TTC17: variants seen among roughly 807,000 people sequenced by gnomAD.
TTC17 encodes tetratricopeptide repeat protein 17.
A neutral mutation model predicts 143.8 loss-of-function variants in TTC17; 58 were observed. That is an observed-to-expected ratio of 0.40 (90% CI 0.33 to 0.50). The LOEUF is 0.50. Ranked by LOEUF, TTC17 falls within the 20% of genes least tolerant of loss-of-function variation. The pLI, the probability that TTC17 is intolerant of heterozygous loss-of-function variation, is 0.49. For synonymous variants in TTC17, 501 were observed against 497.8 expected, an observed-to-expected ratio of 1.01 and a Z score of -0.09; for missense variants, 1,273 against 1,392.5, an observed-to-expected ratio of 0.91 and a Z score of 1.37.
chr11:43,362,448 A>G (rs2134426605), intron 1 of TTC17, among the ~76,000 whole-genome samples: 1 of 152,298 alleles, frequency 6.6e-6, no homozygotes, highest in Non-Finnish European at 1.5e-5. Flanking sequence ...AGACTTGTCA[A>G]CATGCGTATG....
chr11:43,483,823 C>T lies in TTC17; in HGVS notation c.3031-6416C>T, dbSNP rs182934061. ...ACTTCTTTTCAACCTTGTACTGAAA[C>T]TCCTAGCAAGTATAGTAAATCAATA... On this transcript the variant is annotated intron_variant, in intron 21 of 23. Coordinates refer to ENST00000039989, the MANE Select transcript of TTC17 (RefSeq NM_018259.6). Among the ~76,000 whole-genome samples, 100 of 152,304 alleles carry T rather than the reference C, an allele frequency of 6.6e-4. 1 individual carries two copies. Among genetic ancestry groups the T allele is most frequent in the Non-Finnish European group, 1.2e-3 (81 of 68,026 alleles).
At chr11:43,395,741 A>G (rs1371214366) in intron 5 of TTC17, among the ~76,000 whole-genome samples, 4 of 152,224 alleles carry the variant, frequency 2.6e-5, no homozygotes, top group African/African-American at 7.2e-5. Flanking sequence ...ACTAAATTCA[A>G]ACTATTTTTA....
At chr11:43,492,803 A>G (rs1382654372) in intron 23 of TTC17, among the ~76,000 whole-genome samples, 1 of 152,240 alleles carries the variant, frequency 6.6e-6, no homozygotes, top group African/African-American at 2.4e-5. Flanking sequence ...ATCAGAAACA[A>G]GAACTGCTTT....
At chr11:43,411,679 A>T (rs903347875) in intron 15 of TTC17, among the ~76,000 whole-genome samples, 1 of 152,194 alleles carries the variant, frequency 6.6e-6, no homozygotes, top group South Asian at 2.1e-4. Flanking sequence ...TCAATGCAGG[A>T]TATTTTTACA....
intron 16 of TTC17, among the ~76,000 whole-genome samples, chr11:43,433,486 T>G (rs567787947): frequency 1.3e-5 from 2 of 152,186 alleles, no homozygotes; most frequent in Non-Finnish European, 2.9e-5. Context: ...CTCTGAGAGA[T>G]GTTGGCCCCA....
chr11:43,474,461 T>C (rs1403937352), intron 21 of TTC17, among the ~76,000 whole-genome samples: 6 of 152,222 alleles, frequency 3.9e-5, no homozygotes, highest in Admixed American at 2.0e-4. Context: ...GTTCCTTGAA[T>C]CTACATTATT....
intron 21 of TTC17, among the ~76,000 whole-genome samples, chr11:43,453,049 C>A (rs1590447236): frequency 6.6e-6 from 1 of 152,100 alleles, no homozygotes; most frequent in East Asian, 1.9e-4. Context: ...AACTTGAGTG[C>A]CAGGCCAAAC....
chr11:43,441,857 G>A (rs1208553507), intron 16 of TTC17, among the ~76,000 whole-genome samples: 1 of 152,130 alleles, frequency 6.6e-6, no homozygotes, highest in African/African-American at 2.4e-5. Context: ...AGGAGCACAA[G>A]GAAGCAATCA....
intron 1 of TTC17, 187 bp downstream of exon 1, chr11:43,359,300 C>T (rs1254153331): frequency 1.4e-6 from 1 of 721,034 alleles, no homozygotes; most frequent in Non-Finnish European, 2.1e-6. Flanking sequence ...CACTTGTCTC[C>T]TGGTCCTCGT....
At chr11:43,462,265 A>G (rs533928999) in intron 21 of TTC17, among the ~76,000 whole-genome samples, 2 of 152,214 alleles carry the variant, frequency 1.3e-5, no homozygotes, top group Non-Finnish European at 2.9e-5. Flanking sequence ...GAACCTGTGA[A>G]AACTATATAC....
chr11:43,422,697 A>G (rs1187237332), intron 16 of TTC17, among the ~76,000 whole-genome samples: 1 of 152,144 alleles, frequency 6.6e-6, no homozygotes, highest in Admixed American at 6.5e-5. Context: ...ATCCTGAGAG[A>G]TTGAGCTGGA....
At chr11:43,429,016 A>G (rs1039185346) in intron 16 of TTC17, among the ~76,000 whole-genome samples, 5 of 152,208 alleles carry the variant, frequency 3.3e-5, no homozygotes, top group African/African-American at 4.8e-5. Flanking sequence ...GAACAAGTCT[A>G]AGGAGCCATT....
At chr11:43,452,611 CATT>C (rs1379666400) in intron 21 of TTC17, among the ~76,000 whole-genome samples, 1 of 152,034 alleles carries the variant, frequency 6.6e-6, no homozygotes, top group Non-Finnish European at 1.5e-5. Flanking sequence ...TAATGGAACA[CATT>C]ATAATTCAGA....
intron 1 of TTC17, among the ~76,000 whole-genome samples, chr11:43,372,990 C>A (rs949861267): frequency 3.9e-5 from 6 of 152,112 alleles, no homozygotes; most frequent in South Asian, 2.1e-4. Flanking sequence ...ATATTATTAT[C>A]GTATTTTTGT....
At chr11:43,367,978 AG>A (rs1856415827) in intron 1 of TTC17, among the ~76,000 whole-genome samples, 2 of 152,322 alleles carry the variant, frequency 1.3e-5, no homozygotes, top group East Asian at 3.9e-4. Context: ...GCTGACACAT[AG>A]TATACACTGA....
At chr11:43,475,728 TTGG>T (rs1381331818) in intron 21 of TTC17, among the ~76,000 whole-genome samples, 1 of 152,206 alleles carries the variant, frequency 6.6e-6, no homozygotes, top group Admixed American at 6.5e-5. Flanking sequence ...AGTTATCACG[TTGG>T]TGCTCAAAAA....
At chr11:43,461,981 G>A (rs1366833681) in intron 21 of TTC17, among the ~76,000 whole-genome samples, 1 of 151,170 alleles carries the variant, frequency 6.6e-6, no homozygotes, top group Non-Finnish European at 1.5e-5. Flanking sequence ...GAAGATAAAG[G>A]TACATAAAAG....
At chr11:43,448,796 CAT>C in intron 19 of TTC17, 1 of 152,128 alleles carries the variant, frequency 6.6e-6, no homozygotes, top group East Asian at 1.9e-4. Flanking sequence ...AAACTAAAGT[CAT>C]AATTTTCTTG....
chr11:43,398,016 G>A lies in TTC17; in HGVS notation c.961G>A (p.Ala321Thr), dbSNP rs200432170. The A allele has an allele frequency of 7.1e-5, 113 of 1,601,282 alleles. No homozygotes were observed. Among genetic ancestry groups the A allele is most frequent in the South Asian group, 5.4e-4 (49 of 90,832 alleles). The stretch of plus-strand genomic sequence containing the variant: ...CCACTCAGTGCTCTGTTATGACCAC[G>A]CTTTGCAGGCCAGACCTGGGTTTGA... ...YNHSVLCYDH[A>T]LQARPGFEQA... Residue 321 changes from alanine (A) to threonine (T), a missense_variant, in exon 8 of 24, where the codon GCT (alanine) becomes ACT (threonine). Around this residue, in one of 3 missense-constraint regions of TTC17, gnomAD observed 325 missense variants for 444.2 expected, o/e 0.73. Coordinates refer to ENST00000039989, the MANE Select transcript of TTC17 (RefSeq NM_018259.6).
Sources: allele counts gnomAD v4.1 joint callset (sites outside exome capture counted in the v4.1 genomes callset), GRCh38; gene constraint gnomAD v4.1.1; regional missense constraint gnomAD v4.1.1; transcripts MANE v1.5; gene names NCBI Gene and HGNC (gene_info 2026-07-23, HGNC 2026-07-21).